Variants in INSR observed in about 807,000 individuals in gnomAD.
INSR encodes IR.
Under a neutral mutation model 142.6 loss-of-function variants are expected in INSR, and 67 were observed. The observed-to-expected ratio is 0.47, with a 90% CI of 0.39 to 0.58. The LOEUF is 0.58. INSR is among the 20% of genes least tolerant of loss of function. INSR has a pLI of 0.00. For synonymous variants in INSR, 756 were observed against 743.1 expected, an observed-to-expected ratio of 1.02 and a Z score of -0.28; for missense variants, 1,248 against 1,833.2, an observed-to-expected ratio of 0.68 and a Z score of 5.83.
At chr19:7,185,793 T>C (rs1416000248) in intron 2 of INSR, among the ~76,000 whole-genome samples, 1 of 118,834 alleles carries the variant, frequency 8.4e-6, no homozygotes, top group East Asian at 2.7e-4. Context: ...CAGTGAGCCA[T>C]GATCGTGCCA....
Position 7,221,491 on chromosome 19 carries a change from T to G in INSR, c.653-36854A>C, listed in dbSNP as rs369038718. Among the ~76,000 whole-genome samples the G allele has an allele frequency of 7.4e-4, 112 of 152,100 alleles. 1 individual carries two copies. In the East Asian group the frequency reaches 0.02, roughly 28 times the overall value. On this transcript the variant is annotated intron_variant, in intron 2 of 21. Transcript: ENST00000302850. ...GGGAGGCCGAGGCGGGCGGATCACC[T>G]GAGGTCAGGAGTTCGAGACCAGCCT...
intron 13 of INSR, among the ~76,000 whole-genome samples, chr19:7,134,128 G>A (rs927519599): frequency 4.8e-5 from 7 of 144,940 alleles, no homozygotes; most frequent in African/African-American, 1.3e-4. Context: ...GTAGTGAGCC[G>A]AGATCGCGCC....
chr19:7,178,677 C>G (rs1469440128), intron 3 of INSR, among the ~76,000 whole-genome samples: 1 of 152,122 alleles, frequency 6.6e-6, no homozygotes, highest in African/African-American at 2.4e-5. Context: ...TGAGATTGAG[C>G]CACTGCACTC....
intron 9 of INSR, among the ~76,000 whole-genome samples, chr19:7,162,241 C>T (rs994975603): frequency 4.7e-5 from 7 of 150,156 alleles, no homozygotes; most frequent in Non-Finnish European, 8.9e-5. Context: ...GCAGGAGAAT[C>T]GCTTGCGCCT....
At chr19:7,269,864 A>C (rs146458707) in intron 1 of INSR, among the ~76,000 whole-genome samples, 45 of 148,994 alleles carry the variant, frequency 3.0e-4, no homozygotes, top group African/African-American at 1.1e-3. Context: ...CAGATAAGCA[A>C]TAATACCTTT....
chr19:7,288,658 GAAAAAAAAAA>G (rs57281993), intron 1 of INSR, among the ~76,000 whole-genome samples: 2 of 97,116 alleles, frequency 2.1e-5, no homozygotes, highest in Admixed American at 2.3e-4. Flanking sequence ...ATAAAAATTG[GAAAAAAAAAA>G]AAAAAAAAAA....
At chr19:7,288,863 T>A (rs1457983916) in intron 1 of INSR, among the ~76,000 whole-genome samples, 1 of 146,094 alleles carries the variant, frequency 6.8e-6, no homozygotes, top group Non-Finnish European at 1.5e-5. Context: ...CTGGAGAGGC[T>A]GAGGCAGGAC....
chr19:7,186,710 A>G (rs139347012), intron 2 of INSR, among the ~76,000 whole-genome samples: 2,300 of 150,288 alleles, frequency 0.015, 76 homozygotes, highest in African/African-American at 0.053. Context: ...CTTTTTTTTT[A>G]TTTTTATTTT....
Position 7,119,688 on chromosome 19 carries a change from A to G in INSR, c.3660-105T>C, listed in dbSNP as rs1050945347. 8.2e-6 allele frequency: 10 copies of G among 1,222,938 alleles called. No homozygotes were observed. The African/African-American group carries it at 1.2e-4, about 15-fold the overall frequency. 75.8% of individuals were successfully genotyped at this position (1,222,938 alleles called of 1,614,324 possible). A position where few individuals can be genotyped will look rare whatever the true frequency, so the allele number is the denominator to read the frequency against. On this transcript the variant is annotated intron_variant, in intron 20 of 21. Coordinates refer to ENST00000302850, the MANE Select transcript of INSR (RefSeq NM_000208.4). This position sits in a 1 kb window ranked among gnomAD's most constrained non-coding sequence, Gnocchi z 5.2. ...CAAACGCACACACACACGCAAACACACATGCCAACACATACATGCAAACAC... is the reference window on the plus strand; with the variant it reads ...CAAACGCACACACACACGCAAACACGCATGCCAACACATACATGCAAACAC...
At chr19:7,120,442 C>T (rs1049752484) in intron 20 of INSR, among the ~76,000 whole-genome samples, 178 bp downstream of exon 20, 7 of 152,186 alleles carry the variant, frequency 4.6e-5, no homozygotes, top group African/African-American at 1.7e-4. Context: ...GTTCACAATG[C>T]CTACAGGATT....
At chr19:7,227,806 T>C (rs1367551955) in intron 2 of INSR, among the ~76,000 whole-genome samples, 1 of 152,116 alleles carries the variant, frequency 6.6e-6, no homozygotes, top group Non-Finnish European at 1.5e-5. Flanking sequence ...CAGATTGTTT[T>C]GTTTTTGTTT....
At chr19:7,289,793 C>T (rs983364080) in intron 1 of INSR, among the ~76,000 whole-genome samples, 6 of 152,140 alleles carry the variant, frequency 3.9e-5, no homozygotes, top group African/African-American at 1.4e-4. Flanking sequence ...CCTGCAGAGA[C>T]GTGCCTGGCA....
chr19:7,221,525 C>T (rs1164261766), intron 2 of INSR, among the ~76,000 whole-genome samples: 2 of 151,830 alleles, frequency 1.3e-5, no homozygotes, highest in East Asian at 1.9e-4. Context: ...CTGGCCAGCA[C>T]GGCGAAACCC....
chr19:7,198,598 G>A (rs1023104673), intron 2 of INSR, among the ~76,000 whole-genome samples: 2 of 152,088 alleles, frequency 1.3e-5, no homozygotes, highest in Non-Finnish European at 2.9e-5. Flanking sequence ...CCAGAAAGGT[G>A]CAGCGGCTCA....
intron 3 of INSR, among the ~76,000 whole-genome samples, chr19:7,175,105 A>G (rs1432291426): frequency 6.6e-6 from 1 of 151,956 alleles, no homozygotes; most frequent in Non-Finnish European, 1.5e-5. Context: ...CGGCCTCCCA[A>G]AGTGCTGGGA....
At position 7,225,322 on chromosome 19, in the gene INSR, T is replaced by G. The variant is rs1180229168; in HGVS notation, c.653-40685A>C. On this transcript the variant is annotated intron_variant, in intron 2 of 21. Transcript: ENST00000302850. This position sits in a 1 kb window ranked among gnomAD's most constrained non-coding sequence, Gnocchi z 4.7. ...AAGATGATTCCTCAGGGAGAAACGC[T>G]AATGTTCCCCTTCCCCGACACTTTC... Among the ~76,000 whole-genome samples the G allele has an allele frequency of 6.6e-6, 1 of 152,154 alleles. No individual in the cohort carries two copies. Among genetic ancestry groups the G allele is most frequent in the Non-Finnish European group, 1.5e-5 (1 of 68,022 alleles).
chr19:7,193,211 C>T (rs563205171), intron 2 of INSR, among the ~76,000 whole-genome samples: 4 of 151,562 alleles, frequency 2.6e-5, no homozygotes, highest in South Asian at 2.1e-4. Flanking sequence ...CTCCGCCTCC[C>T]GGGTTCAAGA....
Position 7,178,445 on chromosome 19 carries a change from G to A in INSR, c.975-3714C>T, listed in dbSNP as rs142861160. Among the ~76,000 whole-genome samples the A allele has an allele frequency of 1.7e-4, 26 of 152,246 alleles. No homozygotes were observed. The East Asian group carries it at 4.4e-3, about 26-fold the overall frequency. On this transcript the variant is annotated intron_variant, in intron 3 of 21. Transcript: ENST00000302850. ...ATTAAAACTCTGGATACTGGGCCGGGTGCAGTGCCTCACGCCTGTAATCCT... is the reference window on the plus strand; with the variant it reads ...ATTAAAACTCTGGATACTGGGCCGGATGCAGTGCCTCACGCCTGTAATCCT...
intron 2 of INSR, among the ~76,000 whole-genome samples, chr19:7,241,609 G>A (rs1041252964): frequency 1.9e-4 from 29 of 152,210 alleles, no homozygotes; most frequent in Admixed American, 1.6e-3. Flanking sequence ...GCGACAGAGC[G>A]AGACTGTCTC....
Sources: allele counts gnomAD v4.1 joint callset (sites outside exome capture counted in the v4.1 genomes callset), GRCh38; gene constraint gnomAD v4.1.1; non-coding constraint Gnocchi (gnomAD v3.1); transcripts MANE v1.5; gene names NCBI Gene and HGNC (gene_info 2026-07-23, HGNC 2026-07-21).